Variants in GLIS3 observed in about 807,000 individuals in gnomAD.
GLIS3 encodes the protein zinc finger protein GLIS3.
Under a neutral mutation model 78.6 loss-of-function variants are expected in GLIS3, and 53 were observed. That is an observed-to-expected ratio of 0.67 (90% confidence interval 0.54 to 0.85). The LOEUF (loss-of-function observed/expected upper bound fraction) is 0.85. Among genes scored for constraint, GLIS3 ranks in the 40% least tolerant of loss-of-function variants. The pLI, the probability that GLIS3 is intolerant of heterozygous loss-of-function variation, is 0.00. For missense variants in GLIS3, 1,703 were observed against 1,231.1 expected (o/e 1.38, Z -5.74); for synonymous variants, 684 against 509.9 (o/e 1.34, Z -4.60).
chr9:4,320,873 C>T (rs954650867), intron 2 of GLIS3, among the ~76,000 whole-genome samples: 1 of 152,168 alleles, frequency 6.6e-6, no homozygotes, highest in African/African-American at 2.4e-5. Context: ...TCAATCTGAT[C>T]ATTACACTGA....
chr9:4,108,630 G>C (rs964373169), intron 4 of GLIS3, among the ~76,000 whole-genome samples: 2 of 152,174 alleles, frequency 1.3e-5, no homozygotes, highest in African/African-American at 2.4e-5. Context: ...ACAAAAAAGA[G>C]TCAGCAGTGA....
At chr9:4,350,811 TTTTGTTTTTG>T (rs1057044830), upstream of GLIS3, among the ~76,000 whole-genome samples, 5 of 139,136 alleles carry the variant, frequency 3.6e-5, no homozygotes, top group South Asian at 4.8e-4. Context: ...TTTGTTTTGT[TTTTGTTTTTG>T]TTTGTTTTTG....
At chr9:4,369,161 C>T in the GLIS3 span, among the ~76,000 whole-genome samples, 2 of 152,040 alleles carry the variant, frequency 1.3e-5, no homozygotes, top group African/African-American at 2.4e-5. Flanking sequence ...CTAGTATCTC[C>T]GCCAGACCTT....
chr9:4,455,509 C>A, the GLIS3 span, among the ~76,000 whole-genome samples: 1 of 152,158 alleles, frequency 6.6e-6, no homozygotes, highest in Non-Finnish European at 1.5e-5. Context: ...CCAGCCCTGT[C>A]ACTAAACAAG....
At chr9:4,460,002 T>C in the GLIS3 span, among the ~76,000 whole-genome samples, 2 of 152,184 alleles carry the variant, frequency 1.3e-5, no homozygotes, top group African/African-American at 4.8e-5. Context: ...AGGCACACTC[T>C]AAAAGTTTGT....
At position 4,285,269 on chromosome 9, in the gene GLIS3, C is replaced by G. The variant is rs1386175632; in HGVS notation, c.388+769G>C. Among the ~76,000 whole-genome samples the G allele has an allele frequency of 6.6e-5, 10 of 152,262 alleles. No homozygotes were observed. In the East Asian group the frequency reaches 1.9e-3, roughly 29 times the overall value. On this transcript the variant is annotated intron_variant, in intron 2 of 10. Transcript: ENST00000381971. ...ATACATACGTCATCTACAATATAAC[C>G]TCATTAATTCAACATCAATTTCTAA...
chr9:4,262,583 C>G (rs77936821), intron 2 of GLIS3, among the ~76,000 whole-genome samples: 3,471 of 152,152 alleles, frequency 0.023, 67 homozygotes, highest in Non-Finnish European at 0.036. Context: ...ATATTTACGT[C>G]CTAACAACTT....
intron 2 of GLIS3, among the ~76,000 whole-genome samples, chr9:4,211,433 T>A (rs1820363523): frequency 6.6e-6 from 1 of 152,252 alleles, no homozygotes; most frequent in Admixed American, 6.5e-5. Context: ...ATCTCACCCA[T>A]CCTGCACGCA....
chr9:3,972,198 T>C (rs909261477), intron 4 of GLIS3, among the ~76,000 whole-genome samples: 2 of 152,280 alleles, frequency 1.3e-5, no homozygotes, highest in South Asian at 2.1e-4. Context: ...TTGGGGAAGA[T>C]GAAACTAGAT....
intron 8 of GLIS3, among the ~76,000 whole-genome samples, chr9:3,864,144 AT>A (rs1444277923): frequency 1.3e-5 from 2 of 152,130 alleles, no homozygotes; most frequent in African/African-American, 4.8e-5. Flanking sequence ...AAATTCTACT[AT>A]GAAAAAAAAA....
chr9:4,459,380 T>C, the GLIS3 span, among the ~76,000 whole-genome samples: 3 of 152,170 alleles, frequency 2.0e-5, no homozygotes, highest in African/African-American at 7.2e-5. Flanking sequence ...ATTGGGAATC[T>C]GGGAACAAAC....
chr9:4,005,599 T>C (rs1014758862), intron 4 of GLIS3, among the ~76,000 whole-genome samples: 2 of 152,114 alleles, frequency 1.3e-5, no homozygotes, highest in African/African-American at 4.8e-5. Flanking sequence ...ACTGCATAGG[T>C]TTGTTGAAAG....
chr9:3,961,015 G>C (rs1232778962), intron 4 of GLIS3, among the ~76,000 whole-genome samples: 1 of 152,116 alleles, frequency 6.6e-6, no homozygotes, highest in Non-Finnish European at 1.5e-5. Flanking sequence ...TTCCCCATTT[G>C]GCTGAGCTCA....
chr9:4,461,098 G>T, the GLIS3 span, among the ~76,000 whole-genome samples: 1 of 152,196 alleles, frequency 6.6e-6, no homozygotes, highest in Non-Finnish European at 1.5e-5. Flanking sequence ...CTCAGAGCAT[G>T]AATATGTCAC....
intron 6 of GLIS3, among the ~76,000 whole-genome samples, chr9:3,929,606 G>C (rs771375888): frequency 1.3e-5 from 2 of 152,052 alleles, no homozygotes; most frequent in Non-Finnish European, 2.9e-5. Flanking sequence ...CTAGGGGGAG[G>C]TTACAAAGGG....
At chr9:4,179,523 A>T (rs1304542832) in intron 2 of GLIS3, among the ~76,000 whole-genome samples, 1 of 152,168 alleles carries the variant, frequency 6.6e-6, no homozygotes, top group East Asian at 1.9e-4. Context: ...CATTATTTGG[A>T]AACACTATTT....
intron 4 of GLIS3, among the ~76,000 whole-genome samples, chr9:3,980,857 C>T (rs1450160156): frequency 6.6e-6 from 1 of 152,148 alleles, no homozygotes; most frequent in African/African-American, 2.4e-5. Context: ...TTCCCTACTT[C>T]CAGCTGCCAG....
intron 4 of GLIS3, among the ~76,000 whole-genome samples, chr9:4,033,324 C>T (rs1824009627): frequency 6.6e-6 from 1 of 152,148 alleles, no homozygotes; most frequent in African/African-American, 2.4e-5. Flanking sequence ...CCCCTTAAGG[C>T]TGCAGCGCAC....
In GLIS3 at chr9:4,050,482, G is replaced by C. The variant is rs574020722; in HGVS notation, c.1710+67286C>G. ...GTCTGGGGGAGGGATAGCGTTAGGT[G>C]AAATACCTAATGTACATGACAATTT... On this transcript the variant is annotated intron_variant, in intron 4 of 10. Transcript: ENST00000381971. Among the ~76,000 whole-genome samples the C allele has an allele frequency of 2.6e-5, 4 of 152,216 alleles. No individual in the cohort carries two copies. In the South Asian group the frequency reaches 8.3e-4, roughly 32 times the overall value.
Sources: allele counts gnomAD v4.1 joint callset (sites outside exome capture counted in the v4.1 genomes callset), GRCh38; gene constraint gnomAD v4.1.1; transcripts MANE v1.5; gene names NCBI Gene and HGNC (gene_info 2026-07-23, HGNC 2026-07-21).